Variants in FAM110B observed in about 807,000 individuals in gnomAD.
FAM110B encodes the protein family with sequence similarity 110 member B, also known as protein FAM110B.
Under a neutral mutation model 20.4 loss-of-function variants are expected in FAM110B, and 6 were observed. The ratio of observed to expected loss-of-function variants is 0.29; its 90% CI spans 0.16 to 0.58. The LOEUF is 0.58. Among genes scored for constraint, FAM110B ranks in the 20% least tolerant of loss-of-function variants. The pLI, the probability that FAM110B is intolerant of heterozygous loss-of-function variation, is 0.90. For missense variants in FAM110B, 434 were observed against 498.2 expected (o/e 0.87, Z 1.23); for synonymous variants, 226 against 214.1 (o/e 1.06, Z -0.49).
chr8:58,097,176 C>T (rs934604412), intron 3 of FAM110B, among the ~76,000 whole-genome samples: 4 of 152,184 alleles, frequency 2.6e-5, no homozygotes, highest in Non-Finnish European at 5.9e-5. Context: ...CTTTCAGGTA[C>T]ACCAATCAGA....
intron 2 of FAM110B, among the ~76,000 whole-genome samples, chr8:58,037,938 T>A (rs2150575415): frequency 6.6e-6 from 1 of 152,332 alleles, no homozygotes; most frequent in South Asian, 2.1e-4. Context: ...ACTTTCTTTG[T>A]TTGGAGTCTA....
At chr8:58,143,956 C>T (rs570719893) in intron 3 of FAM110B, among the ~76,000 whole-genome samples, 13 of 152,350 alleles carry the variant, frequency 8.5e-5, no homozygotes, top group East Asian at 1.9e-4. Context: ...TATTCCAACA[C>T]GCCATTTTGA....
intron 1 of FAM110B, among the ~76,000 whole-genome samples, chr8:58,007,838 GCACC>G (rs1804442644): frequency 6.6e-6 from 1 of 151,526 alleles, no homozygotes; most frequent in Admixed American, 6.6e-5. Flanking sequence ...ATGGACTAAG[GCACC>G]TAGGCATTAT....
intron 3 of FAM110B, among the ~76,000 whole-genome samples, chr8:58,092,570 T>C (rs62513495): frequency 1.3e-5 from 2 of 152,230 alleles, no homozygotes; most frequent in Non-Finnish European, 2.9e-5. Flanking sequence ...GCAAAGGACA[T>C]GAACTCATCC....
At chr8:58,076,360 C>T (rs1025145961) in intron 3 of FAM110B, among the ~76,000 whole-genome samples, 3 of 152,088 alleles carry the variant, frequency 2.0e-5, no homozygotes, top group Admixed American at 6.5e-5. Flanking sequence ...CAGGCTGGCC[C>T]CTTAAGGGAG....
At chr8:58,133,396 G>A (rs1038125984) in intron 3 of FAM110B, among the ~76,000 whole-genome samples, 2 of 152,162 alleles carry the variant, frequency 1.3e-5, no homozygotes, top group African/African-American at 4.8e-5. Context: ...CTGTCCGCCA[G>A]TATCTGCTGT....
chr8:58,053,500 T>A (rs1805494185), intron 2 of FAM110B, among the ~76,000 whole-genome samples: 1 of 152,186 alleles, frequency 6.6e-6, no homozygotes, highest in Non-Finnish European at 1.5e-5. Context: ...GAGATGCTAA[T>A]GACATGCAAT....
chr8:58,082,864 A>G (rs1246032331), intron 3 of FAM110B, among the ~76,000 whole-genome samples: 1 of 147,964 alleles, frequency 6.8e-6, no homozygotes, highest in African/African-American at 2.5e-5. Flanking sequence ...TTTTTTTTAA[A>G]TGAGCATGGT....
chr8:58,021,488 T>C lies in FAM110B; in HGVS notation c.-511-10118T>C, dbSNP rs187584546. 2.2e-3 allele frequency among the ~76,000 whole-genome samples: 336 copies of C among 152,274 alleles called. 2 individuals carry two copies. The highest frequency in any genetic ancestry group is 0.015 in the South Asian group (74 of 4,828). ...GTTAAAGACACATACACAGAACCGA[T>C]TCCTAGCATTACTACTACTTATGGT... On this transcript the variant is annotated intron_variant, in intron 1 of 3. Coordinates refer to ENST00000519262, the MANE Select transcript of FAM110B (RefSeq NM_001377989.1).
chr8:58,029,916 G>T (rs1399870232), intron 1 of FAM110B, among the ~76,000 whole-genome samples: 1 of 152,128 alleles, frequency 6.6e-6, no homozygotes, highest in Non-Finnish European at 1.5e-5. Flanking sequence ...TTCTATCTGT[G>T]AATTCATTCT....
chr8:58,010,837 A>T (rs927363655), intron 1 of FAM110B, among the ~76,000 whole-genome samples: 3 of 152,174 alleles, frequency 2.0e-5, no homozygotes, highest in African/African-American at 7.2e-5. Flanking sequence ...TTCATATCTC[A>T]CAACTTAGAA....
At chr8:58,092,198 T>G (rs992102020) in intron 3 of FAM110B, among the ~76,000 whole-genome samples, 2 of 152,202 alleles carry the variant, frequency 1.3e-5, no homozygotes, top group Non-Finnish European at 2.9e-5. Context: ...GTATTATTTT[T>G]GTCTTTTAAA....
intron 2 of FAM110B, among the ~76,000 whole-genome samples, chr8:58,068,137 G>A (rs569188514): frequency 6.6e-6 from 1 of 152,358 alleles, no homozygotes; most frequent in East Asian, 1.9e-4. Flanking sequence ...ATGCCTGGAA[G>A]TGTTACTAGC....
At chr8:58,019,926 C>T (rs902893603) in intron 1 of FAM110B, among the ~76,000 whole-genome samples, 1 of 149,896 alleles carries the variant, frequency 6.7e-6, no homozygotes, top group East Asian at 2.0e-4. Context: ...TTAATCCTAT[C>T]CTTCCCTCTT....
intron 1 of FAM110B, among the ~76,000 whole-genome samples, chr8:58,014,409 G>T (rs1466122162): frequency 3.9e-5 from 6 of 152,184 alleles, no homozygotes; most frequent in Non-Finnish European, 7.3e-5. Context: ...CTCGAGATCT[G>T]CATTTTCGCC....
At chr8:58,115,374 G>C (rs912278129) in intron 3 of FAM110B, among the ~76,000 whole-genome samples, 1 of 148,550 alleles carries the variant, frequency 6.7e-6, no homozygotes, top group African/African-American at 2.6e-5. Context: ...AGCGGAGCCT[G>C]AATCATTTTT....
chr8:58,036,504 T>C (rs1003451921), intron 2 of FAM110B, among the ~76,000 whole-genome samples: 2 of 152,246 alleles, frequency 1.3e-5, no homozygotes, highest in Non-Finnish European at 2.9e-5. Context: ...CCTTATTTCA[T>C]GGTTGCCCAC....
Position 58,146,153 on chromosome 8 carries a change from T to G in FAM110B, c.-78T>G. The G allele has an allele frequency of 6.7e-7, 1 of 1,493,174 alleles. No individual in the cohort carries two copies. Among genetic ancestry groups the G allele is most frequent in the Non-Finnish European group, 8.9e-7 (1 of 1,118,176 alleles). The allele number at this position is 1,493,174 out of a possible 1,614,324, so 92.5% of individuals were successfully genotyped here. ...TGCACCCGCCGCCCTTGGCGCTTCA[T>G]GTACATGTGTCTATTCAGGCCTTGC... is the stretch of plus-strand genomic sequence containing the variant. On this transcript the variant is annotated 5_prime_UTR_variant, in exon 4 of 4. The change abolishes an upstream ATG in the 5' untranslated region. Coordinates refer to ENST00000519262, the MANE Select transcript of FAM110B (RefSeq NM_001377989.1).
intron 2 of FAM110B, among the ~76,000 whole-genome samples, chr8:58,040,926 T>A (rs1441081553): frequency 1.4e-5 from 2 of 144,190 alleles, no homozygotes; most frequent in African/African-American, 5.1e-5. Context: ...AGGTTAGAAA[T>A]GGGAAAATCT....
Sources: allele counts gnomAD v4.1 joint callset (sites outside exome capture counted in the v4.1 genomes callset), GRCh38; gene constraint gnomAD v4.1.1; transcripts MANE v1.5; gene names NCBI Gene and HGNC (gene_info 2026-07-23, HGNC 2026-07-21).